The following LRPPRC variants were observed in gnomAD, a reference collection of about 807,000 sequenced individuals.
The protein encoded by LRPPRC is leucine rich pentatricopeptide repeat containing.
In LRPPRC, 120 loss-of-function variants were observed where a neutral mutation model predicts 180.3. That is an observed-to-expected ratio of 0.67 (90% CI 0.57 to 0.77). The LOEUF (loss-of-function observed/expected upper bound fraction) is 0.77, where lower values mean the gene tolerates loss of function less well. LRPPRC is among the 30% of genes least tolerant of loss of function. The pLI is 0.00. For synonymous variants in LRPPRC, 723 were observed against 600.0 expected (o/e 1.21, Z -3.00); for missense variants, 2,012 against 1,657.2 (o/e 1.21, Z -3.72).
intron 14 of LRPPRC, among the ~76,000 whole-genome samples, chr2:43,953,429 T>C (rs1245897768): frequency 6.6e-6 from 1 of 152,202 alleles, no homozygotes; most frequent in African/African-American, 2.4e-5. Context: ...TTAAACTTAT[T>C]TTTACTATGT....
At chr2:43,923,663 T>C (rs1671775907) in intron 27 of LRPPRC, among the ~76,000 whole-genome samples, 1 of 151,454 alleles carries the variant, frequency 6.6e-6, no homozygotes, top group Non-Finnish European at 1.5e-5. Context: ...ACATCTGCAG[T>C]GCCTACCACA....
intron 36 of LRPPRC, among the ~76,000 whole-genome samples, chr2:43,893,453 G>A (rs959573447): frequency 3.9e-5 from 6 of 152,144 alleles, no homozygotes; most frequent in Admixed American, 2.0e-4. Context: ...TCATCACCCT[G>A]ATCATTCAGC....
At chr2:43,984,873 T>C (rs1674458949) in intron 1 of LRPPRC, among the ~76,000 whole-genome samples, 2 of 152,176 alleles carry the variant, frequency 1.3e-5, no homozygotes, top group African/African-American at 4.8e-5. Flanking sequence ...CCTTTACATT[T>C]CCTAGTTAAA....
In LRPPRC at chr2:43,949,582, C is replaced by A; in HGVS notation, c.1735+20G>T. On this transcript the variant is annotated intron_variant, in intron 16 of 37. Transcript: ENST00000260665. ...AATGGATTTGTGGATAAGTTACAAT[C>A]ATCGAAATTGAAACGCTACCCGTCG... 6.2e-7 allele frequency: 1 copy of A among 1,601,852 alleles called. No individual in the cohort carries two copies. The highest frequency in any genetic ancestry group is 8.6e-7 in the Non-Finnish European group (1 of 1,169,032).
rs768751506 is a variant in LRPPRC at position 43,918,303 on chromosome 2, C to T, written c.2992G>A (p.Glu998Lys). 2 of 1,611,968 alleles carry T rather than the reference C, an allele frequency of 1.2e-6. No individual in the cohort carries two copies. The highest frequency in any genetic ancestry group is 4.5e-5 in the East Asian group (2 of 44,862). Residue 998 changes from glutamate to lysine, a missense_variant, in exon 28 of 38, where the codon GAA becomes AAA. Transcript: ENST00000260665. Reference protein sequence around the residue: ...PREKTLRLLAEILREGNQEVP... With the variant: ...PREKTLRLLAKILREGNQEVP... The stretch of plus-strand genomic sequence containing the variant: ...TCCTGGTTACCCTCTCTAAGGATTT[C>T]TGCTAATAATCTTAATGTCTTTTCA...
At chr2:43,926,358 G>C (rs1369911816) in intron 25 of LRPPRC, among the ~76,000 whole-genome samples, 1 of 152,094 alleles carries the variant, frequency 6.6e-6, no homozygotes, top group Non-Finnish European at 1.5e-5. Flanking sequence ...CAAATAAAAA[G>C]TGTGTGTCAA....
At chr2:43,985,053 T>C (rs1227406213) in intron 1 of LRPPRC, among the ~76,000 whole-genome samples, 3 of 150,970 alleles carry the variant, frequency 2.0e-5, no homozygotes, top group African/African-American at 7.3e-5. Flanking sequence ...TAGTTGAATG[T>C]CCATTAAAAA....
At chr2:43,984,118 A>G (rs1674426206) in intron 1 of LRPPRC, among the ~76,000 whole-genome samples, 1 of 152,074 alleles carries the variant, frequency 6.6e-6, no homozygotes, top group African/African-American at 2.4e-5. Context: ...GCATTTATCT[A>G]GTTGCTCTAT....
intron 30 of LRPPRC, among the ~76,000 whole-genome samples, chr2:43,907,406 C>G (rs1045531323): frequency 1.3e-5 from 2 of 152,048 alleles, no homozygotes; most frequent in African/African-American, 4.8e-5. Flanking sequence ...ATCATTTATA[C>G]AATATAATAA....
intron 30 of LRPPRC, among the ~76,000 whole-genome samples, chr2:43,907,176 G>A (rs1405541472): frequency 6.6e-6 from 1 of 152,048 alleles, no homozygotes; most frequent in Non-Finnish European, 1.5e-5. Flanking sequence ...AAACCTCAAA[G>A]CCTGTAACAT....
intron 30 of LRPPRC, among the ~76,000 whole-genome samples, chr2:43,910,380 G>A (rs995902374): frequency 4.6e-5 from 7 of 151,860 alleles, no homozygotes; most frequent in South Asian, 2.1e-4. Flanking sequence ...GATTACAGGC[G>A]CCTGCCACCA....
chr2:43,963,754 G>T (rs754295214), intron 11 of LRPPRC, 48 bp from the exon 12 acceptor site: 2 of 998,030 alleles, frequency 2.0e-6, no homozygotes, highest in South Asian at 1.3e-5. Flanking sequence ...TTAGAATAAA[G>T]TAAGAAAAGA....
At chr2:43,892,277 T>C (rs7597379) in intron 36 of LRPPRC, among the ~76,000 whole-genome samples, 97,218 of 152,150 alleles carry the variant, frequency 0.64, 32,786 homozygotes, top group East Asian at 0.95. Context: ...GAGGAAAAGC[T>C]AATGCCTAGC....
chr2:43,932,401 G>A (rs1010311839), intron 25 of LRPPRC, among the ~76,000 whole-genome samples: 1 of 152,032 alleles, frequency 6.6e-6, no homozygotes, highest in African/African-American at 2.4e-5. Context: ...TTTTGGGAAT[G>A]ATAAAAATGT....
chr2:43,909,319 C>A (rs962429724), intron 30 of LRPPRC, among the ~76,000 whole-genome samples: 1 of 151,904 alleles, frequency 6.6e-6, no homozygotes. Context: ...CTTGGGTAGA[C>A]ACAGACGCAC....
intron 30 of LRPPRC, among the ~76,000 whole-genome samples, chr2:43,910,008 T>C (rs948381834): frequency 1.1e-4 from 17 of 152,172 alleles, no homozygotes; most frequent in African/African-American, 3.6e-4. Flanking sequence ...CACGCATAAC[T>C]GAAAGCAACT....
At chr2:43,949,520 A>T in intron 16 of LRPPRC, 82 bp downstream of exon 16, 1 of 947,672 alleles carries the variant, frequency 1.1e-6, no homozygotes, top group Non-Finnish European at 1.7e-6. Flanking sequence ...TAAAGTATTT[A>T]CTGCTGTAAT....
intron 31 of LRPPRC, chr2:43,902,354 A>G (rs1670919122): frequency 6.6e-6 from 1 of 152,210 alleles, no homozygotes; most frequent in African/African-American, 2.4e-5. Context: ...TAGACTGAGG[A>G]GTAGCCTAAC....
chr2:43,990,406 AGTG>A (rs1674722692), intron 1 of LRPPRC, among the ~76,000 whole-genome samples: 4 of 152,186 alleles, frequency 2.6e-5, no homozygotes, highest in African/African-American at 4.8e-5. Context: ...TTGCAATACC[AGTG>A]TTGTTCCATC....
Sources: allele counts gnomAD v4.1 joint callset (sites outside exome capture counted in the v4.1 genomes callset), GRCh38; gene constraint gnomAD v4.1.1; transcripts MANE v1.5; gene names NCBI Gene and HGNC (gene_info 2026-07-23, HGNC 2026-07-21).